Variants in TGFB1I1 observed in about 807,000 individuals in gnomAD.
The protein encoded by TGFB1I1 is transforming growth factor beta-1-induced transcript 1 protein.
TGFB1I1 carries 33 observed loss-of-function variants against 52.0 expected under a neutral mutation model. The ratio of observed to expected loss-of-function variants is 0.63; its 90% CI spans 0.48 to 0.85. The LOEUF is 0.85. Among genes scored for constraint, TGFB1I1 ranks in the 40% least tolerant of loss-of-function variants. The probability of loss-of-function intolerance (pLI) is 0.00; values close to 1 mark genes in which losing one functional copy is unlikely to be tolerated. For synonymous variants in TGFB1I1, 236 were observed against 253.3 expected, an observed-to-expected ratio of 0.93 and a Z score of 0.65; for missense variants, 577 against 614.9, an observed-to-expected ratio of 0.94 and a Z score of 0.65.
intron 2 of TGFB1I1, 60 bp from the exon 3 acceptor site, chr16:31,473,622 T>A: frequency 6.2e-7 from 1 of 1,603,984 alleles, no homozygotes; most frequent in East Asian, 2.2e-5. Flanking sequence ...TATGGGGATC[T>A]CAGCCTCAGT....
Position 31,477,312 on chromosome 16 carries a change from A to C in TGFB1I1, c.1122A>C (p.Glu374Asp), listed in dbSNP as rs1267354863. 6.2e-7 allele frequency: 1 copy of C among 1,602,556 alleles called. No homozygotes were observed. The highest frequency in any genetic ancestry group is 8.5e-7 in the Non-Finnish European group (1 of 1,173,222). ...CTTTCGCGGCTTCCCTTCCCCAGGA[A>C]TGCTTCGCGCCCTTCTCGGGAGGCA... The part of the protein sequence containing the change: ...LWHPDCFVCR[E>D]CFAPFSGGSF... The change falls in exon 11 of 11, where the codon GAA becomes GAC. Residue 374 changes from glutamate to aspartate, a missense_variant and splice_region_variant. Transcript: ENST00000394863. This position sits in a 1 kb window ranked among gnomAD's most constrained non-coding sequence, Gnocchi z 4.7.
chr16:31,473,202 T>G, intron 1 of TGFB1I1: 1 of 1,328,158 alleles, frequency 7.5e-7, no homozygotes. Context: ...TCAGAGAAGA[T>G]GGGGAGAATA....
chr16:31,474,059 T>G lies in TGFB1I1; in HGVS notation c.325+82T>G. ...GGGCAGAGACTAAGAGGAATACACT[T>G]CCCAGAGTAGCAGTTAAAGGGACCT... On this transcript the variant is annotated intron_variant, in intron 4 of 10. Coordinates refer to ENST00000394863, the MANE Select transcript of TGFB1I1 (RefSeq NM_001042454.3). This position sits in a 1 kb window ranked among gnomAD's most constrained non-coding sequence, Gnocchi z 4.2. 2 of 1,610,962 alleles carry G rather than the reference T, an allele frequency of 1.2e-6. No homozygotes were observed. Among genetic ancestry groups the G allele is most frequent in the Non-Finnish European group, 1.7e-6 (2 of 1,177,836 alleles).
rs1446990702 is a variant in TGFB1I1 at position 31,474,203 on chromosome 16, A to G, written c.377A>G (p.Lys126Arg). The change falls in exon 5 of 11, where the codon AAG becomes AGG. Residue 126 changes from lysine (K) to arginine (R), a missense_variant. Coordinates refer to ENST00000394863, the MANE Select transcript of TGFB1I1 (RefSeq NM_001042454.3). This position sits in a 1 kb window ranked among gnomAD's most constrained non-coding sequence, Gnocchi z 4.2. The stretch of plus-strand genomic sequence containing the variant: ...AGCAAGGTGGCTTCAGGAGAGCAGA[A>G]GGAGGACCAGTCTGAAGATAAGAAA... Reference protein sequence around the residue: ...PSSKVASGEQKEDQSEDKKRP... With the variant: ...PSSKVASGEQREDQSEDKKRP... 6.2e-7 allele frequency: 1 copy of G among 1,614,062 alleles called. No individual in the cohort carries two copies. Among genetic ancestry groups the G allele is most frequent in the African/African-American group, 1.3e-5 (1 of 74,916 alleles).
Position 31,477,197 on chromosome 16 carries a change from T to G in TGFB1I1, c.1120-113T>G, listed in dbSNP as rs2082431322. 6.8e-7 allele frequency: 1 copy of G among 1,471,904 alleles called. No homozygotes were observed. The highest frequency in any genetic ancestry group is 2.3e-5 in the Admixed American group (1 of 43,692). 91.2% of individuals were successfully genotyped at this position (1,471,904 alleles called of 1,614,324 possible). A position where few individuals can be genotyped will look rare whatever the true frequency, so the allele number is the denominator to read the frequency against. ...CGGGCAGGGTCCCACCGGACGGGAT[T>G]CTTCGCGTCTAGGGCGGGCTGCGGG... On this transcript the variant is annotated intron_variant, in intron 10 of 10. Transcript: ENST00000394863. This position sits in a 1 kb window ranked among gnomAD's most constrained non-coding sequence, Gnocchi z 4.7.
At position 31,474,887 on chromosome 16, in the gene TGFB1I1, A is replaced by G; in HGVS notation, c.714+130A>G. 1.1e-6 allele frequency: 1 copy of G among 886,996 alleles called. No individual in the cohort carries two copies. The highest frequency in any genetic ancestry group is 1.7e-6 in the Non-Finnish European group (1 of 590,746). The allele number at this position is 886,996 out of a possible 1,614,324, so 54.9% of individuals were successfully genotyped here. A position where few individuals can be genotyped will look rare whatever the true frequency, so the allele number is the denominator to read the frequency against. On this transcript the variant is annotated intron_variant, in intron 7 of 10. Coordinates refer to ENST00000394863, the MANE Select transcript of TGFB1I1 (RefSeq NM_001042454.3). This position sits in a 1 kb window ranked among gnomAD's most constrained non-coding sequence, Gnocchi z 4.2. ...TGGGTATCATTATTACTTATGTTTTATGGATGAGGAAACTGAAGCTCTGAA... is the reference window on the plus strand; with the variant it reads ...TGGGTATCATTATTACTTATGTTTTGTGGATGAGGAAACTGAAGCTCTGAA...
At chr16:31,472,758 G>A (rs914377899) in intron 1 of TGFB1I1, 2 of 152,548 alleles carry the variant, frequency 1.3e-5, no homozygotes, top group Non-Finnish European at 1.5e-5. Flanking sequence ...CTGGGTTCTG[G>A]AAGTGAAAGG....
At chr16:31,475,875 A>T in intron 7 of TGFB1I1, 137 bp from the exon 8 acceptor site, 2 of 939,068 alleles carry the variant, frequency 2.1e-6, no homozygotes, top group Non-Finnish European at 3.2e-6. Flanking sequence ...TCCATCGCTT[A>T]CAGGCTGCGT....
intron 7 of TGFB1I1, 75 bp from the exon 8 acceptor site, chr16:31,475,937 A>G (rs1195770472): frequency 6.7e-7 from 1 of 1,498,232 alleles, no homozygotes; most frequent in African/African-American, 1.4e-5. Flanking sequence ...GACTCGAAAA[A>G]CGCCGCGTAA....
rs2082422028 is a variant in TGFB1I1 at position 31,476,149 on chromosome 16, G to T, written c.852G>T (p.Ser284=). The change falls in exon 8 of 11, where the codon TCG becomes TCT. Residue 284 remains serine, a synonymous_variant. Transcript: ENST00000394863. The surrounding 1 kb of genome is among the most constrained non-coding windows in gnomAD (Gnocchi z 7.6). ...CCGAGTGCTACTTTGAGCGCTTCTC[G>T]CCAAGATGTGGCTTCTGCAACCAGC... is the stretch of plus-strand genomic sequence containing the variant. ...FCPECYFERF[S]PRCGFCNQPI... The T allele has an allele frequency of 6.2e-7, 1 of 1,613,442 alleles. No homozygotes were observed. Among genetic ancestry groups the T allele is most frequent in the Non-Finnish European group, 8.5e-7 (1 of 1,179,950 alleles).
chr16:31,474,023 A>C lies in TGFB1I1; in HGVS notation c.325+46A>C. On this transcript the variant is annotated intron_variant, in intron 4 of 10. Transcript: ENST00000394863. This position sits in a 1 kb window ranked among gnomAD's most constrained non-coding sequence, Gnocchi z 4.2. ...GGCCTTGATGCGATAGGGGCAGGGG[A>C]GGGAAGGGTGGGGCAGAGACTAAGA... 13 of 895,094 alleles carry C rather than the reference A, an allele frequency of 1.5e-5. No homozygotes were observed. The highest frequency in any genetic ancestry group is 2.1e-5 in the Non-Finnish European group (12 of 574,636). 55.4% of individuals were successfully genotyped at this position (895,094 alleles called of 1,614,324 possible).
At position 31,473,451 on chromosome 16, in the gene TGFB1I1, C is replaced by T; in HGVS notation, c.24C>T (p.Leu8=). The T allele has an allele frequency of 6.2e-7, 1 of 1,613,732 alleles. No individual in the cohort carries two copies. MEDLDAL[L]SDLETTTSHM... is the part of the protein sequence containing the mutation. ...GGCCTCTTCCTGCAGATGCCCTGCTCTCTGACCTGGAGACTACCACCTCGC... is the reference window on the plus strand; with the variant it reads ...GGCCTCTTCCTGCAGATGCCCTGCTTTCTGACCTGGAGACTACCACCTCGC... The change falls in exon 2 of 11, where the codon CTC becomes CTT. Residue 8 remains leucine (L), a synonymous_variant. Coordinates refer to ENST00000394863, the MANE Select transcript of TGFB1I1 (RefSeq NM_001042454.3).
chr16:31,474,666 T>TA lies in TGFB1I1; in HGVS notation c.623_624insA (p.Leu210AlafsTer24). 6.2e-7 allele frequency: 1 copy of TA among 1,613,410 alleles called. No individual in the cohort carries two copies. Among genetic ancestry groups the TA allele is most frequent in the Non-Finnish European group, 8.5e-7 (1 of 1,179,884 alleles). On this transcript the variant is annotated frameshift_variant, in exon 7 of 11. Coordinates refer to ENST00000394863, the MANE Select transcript of TGFB1I1 (RefSeq NM_001042454.3). LOFTEE classifies it high-confidence loss of function. The surrounding 1 kb of genome is among the most constrained non-coding windows in gnomAD (Gnocchi z 4.2). ...GGCAAGGGCAGCCTAGACACCATGC[T>TA]GGGGCTGCTGCAGTCCGACCTCAGC...
At chr16:31,472,850 C>G (rs1300957491) in intron 1 of TGFB1I1, 2 of 152,608 alleles carry the variant, frequency 1.3e-5, no homozygotes, top group East Asian at 3.9e-4. Flanking sequence ...CTCGTCCTCC[C>G]TGCGAAGCCT....
Position 31,477,728 on chromosome 16 carries a change from C to T in TGFB1I1, c.*152C>T. The T allele has an allele frequency of 1.9e-6, 2 of 1,059,354 alleles. No homozygotes were observed. The highest frequency in any genetic ancestry group is 2.6e-6 in the Non-Finnish European group (2 of 759,594). The allele number at this position is 1,059,354 out of a possible 1,614,324, so 65.6% of individuals were successfully genotyped here. ...ACTATGAGTCCTCAGGGGTCAAGTTCAGAAACGGCCCAGCCAGACCTAAAC... is the reference window on the plus strand; with the variant it reads ...ACTATGAGTCCTCAGGGGTCAAGTTTAGAAACGGCCCAGCCAGACCTAAAC... On this transcript the variant is annotated 3_prime_UTR_variant, in exon 11 of 11. Transcript: ENST00000394863. The surrounding 1 kb of genome is among the most constrained non-coding windows in gnomAD (Gnocchi z 4.7).
Position 31,477,630 on chromosome 16 carries a change from G to A in TGFB1I1, c.*54G>A. ...GAGGCCGCGCCCTCCCGGAAAAGCC[G>A]GGTCCTCCAGACCCCGAGGCCTTGC... On this transcript the variant is annotated 3_prime_UTR_variant, in exon 11 of 11. Transcript: ENST00000394863. The surrounding 1 kb of genome is among the most constrained non-coding windows in gnomAD (Gnocchi z 4.7). 7 of 1,525,524 alleles carry A rather than the reference G, an allele frequency of 4.6e-6. No individual in the cohort carries two copies. The highest frequency in any genetic ancestry group is 1.2e-5 in the South Asian group (1 of 80,596). 94.5% of individuals were successfully genotyped at this position (1,525,524 alleles called of 1,614,324 possible). A position where few individuals can be genotyped will look rare whatever the true frequency, so the allele number is the denominator to read the frequency against.
chr16:31,473,600 C>G, intron 2 of TGFB1I1, 44 bp downstream of exon 2: 1 of 1,611,862 alleles, frequency 6.2e-7, no homozygotes, highest in Non-Finnish European at 8.5e-7. Flanking sequence ...TAGGGCCAGG[C>G]TCGGCCTGGT....
rs1178267854 is a variant in TGFB1I1, at chr16:31,472,163, C to T, written c.-26C>T. 1.7e-6 allele frequency: 2 copies of T among 1,153,762 alleles called. No homozygotes were observed. The highest frequency in any genetic ancestry group is 7.1e-5 in the East Asian group (1 of 14,052). 71.5% of individuals were successfully genotyped at this position (1,153,762 alleles called of 1,614,324 possible). ...CGGACACGGCCCCCGCCCTGTTCGCCCCGCGCCACCGGCCCGCGCCCCGCC... is the reference window on the plus strand; with the variant it reads ...CGGACACGGCCCCCGCCCTGTTCGCTCCGCGCCACCGGCCCGCGCCCCGCC... On this transcript the variant is annotated 5_prime_UTR_variant, in exon 1 of 11. Coordinates refer to ENST00000394863, the MANE Select transcript of TGFB1I1 (RefSeq NM_001042454.3).
Position 31,473,684 on chromosome 16 carries a change from A to G in TGFB1I1, c.132A>G (p.Thr44=). The G allele has an allele frequency of 1.9e-6, 3 of 1,563,106 alleles. No individual in the cohort carries two copies. The highest frequency in any genetic ancestry group is 1.4e-5 in the African/African-American group (1 of 73,598). Reference sequence around the variant, plus strand: ...ACCTGTGCGTCTCCGCTCTGTAGACAGGGTCTGGGGAGTCTTCAGGAGCCT... The same window carrying G: ...ACCTGTGCGTCTCCGCTCTGTAGACGGGGTCTGGGGAGTCTTCAGGAGCCT... ...PPPSYGHQPQ[T]GSGESSGASG... is the part of the protein sequence containing the mutation. The change falls in exon 3 of 11, where the codon ACA becomes ACG. Residue 44 remains threonine, a splice_region_variant and synonymous_variant. Transcript: ENST00000394863.
Sources: gnomAD v4.1 joint callset for allele counts on GRCh38, gnomAD v4.1.1 for gene constraint, Gnocchi (gnomAD v3.1) non-coding constraint, MANE v1.5 for transcripts, NCBI Gene and HGNC (gene_info 2026-07-23, HGNC 2026-07-21) for gene names.